The following LRSAM1 variants were observed in gnomAD, a reference collection of about 807,000 sequenced individuals.
The protein encoded by LRSAM1 is leucine rich repeat and sterile alpha motif containing 1.
A neutral mutation model predicts 118.1 loss-of-function variants in LRSAM1; 96 were observed. That is an observed-to-expected ratio of 0.81 (90% CI 0.69 to 0.96). The LOEUF (loss-of-function observed/expected upper bound fraction) is 0.96. Ranked by LOEUF, LRSAM1 falls within the 40% of genes least tolerant of loss-of-function variation. LRSAM1 has a pLI of 0.00. For synonymous variants in LRSAM1, 322 were observed against 364.2 expected (o/e 0.88, Z 1.32); for missense variants, 804 against 915.5 (o/e 0.88, Z 1.57).
intron 11 of LRSAM1, among the ~76,000 whole-genome samples, chr9:127,475,749 A>AT (rs200391831): frequency 0.015 from 2,288 of 150,858 alleles, 57 homozygotes; most frequent in African/African-American, 0.051. Context: ...TTATTTTTTT[A>AT]TTTTTTTTTG....
chr9:127,491,939 C>G (rs909819922), intron 20 of LRSAM1, among the ~76,000 whole-genome samples: 1 of 152,192 alleles, frequency 6.6e-6, no homozygotes, highest in Non-Finnish European at 1.5e-5. Flanking sequence ...AGACGGAGGG[C>G]TGGATGGGAT....
rs186675387 is a variant in LRSAM1, at chr9:127,467,680, C to A, written c.529-60C>A. ...AGAACACACAAATTGATAAGGAAAT[C>A]GTGTGGTCTCCGGTTGCGTTGGTAG... On this transcript the variant is annotated intron_variant, in intron 9 of 25. Transcript: ENST00000300417. 243 of 1,448,142 alleles carry A rather than the reference C, an allele frequency of 1.7e-4. 1 individual carries two copies. In the East Asian group the frequency reaches 5.3e-3, roughly 32 times the overall value. The allele number at this position is 1,448,142 out of a possible 1,614,324, so 89.7% of individuals were successfully genotyped here.
intron 19 of LRSAM1, among the ~76,000 whole-genome samples, 196 bp from the exon 20 acceptor site, chr9:127,491,019 C>T (rs1012218405): frequency 6.6e-6 from 1 of 151,972 alleles, no homozygotes; most frequent in African/African-American, 2.4e-5. Flanking sequence ...CCCAGGAACG[C>T]GAGGCCATGA....
intron 24 of LRSAM1, among the ~76,000 whole-genome samples, chr9:127,498,749 T>C (rs1394019167): frequency 6.6e-6 from 1 of 152,162 alleles, no homozygotes; most frequent in Non-Finnish European, 1.5e-5. Context: ...CAGAAATCGG[T>C]ATACTTTATA....
intron 16 of LRSAM1, among the ~76,000 whole-genome samples, chr9:127,484,433 G>C (rs994072473): frequency 2.6e-5 from 4 of 151,692 alleles, no homozygotes; most frequent in Non-Finnish European, 4.4e-5. Flanking sequence ...GTGTGAACCT[G>C]CTCACTGCAG....
Position 127,495,316 on chromosome 9 carries a change from G to A in LRSAM1, c.1600-4G>A. On this transcript the variant is annotated splice_region_variant and splice_polypyrimidine_tract_variant and intron_variant, in intron 21 of 25. Transcript: ENST00000300417. ...ACTAACATTGCCTGCTTCATTCCTG[G>A]CAGACGGAGTTAGAAGCCAAAAGTG... The A allele has an allele frequency of 6.2e-7, 1 of 1,613,580 alleles. No individual in the cohort carries two copies. Among genetic ancestry groups the A allele is most frequent in the Non-Finnish European group, 8.5e-7 (1 of 1,179,614 alleles).
At chr9:127,484,756 A>T (rs780857041) in intron 16 of LRSAM1, among the ~76,000 whole-genome samples, 13 of 150,052 alleles carry the variant, frequency 8.7e-5, no homozygotes, top group Admixed American at 2.6e-4. Flanking sequence ...GTGTACAAAC[A>T]TCTATTCTAG....
In LRSAM1 at chr9:127,459,166, G is replaced by A. The variant is rs952757343; in HGVS notation, c.321+95G>A. 1.9e-5 allele frequency: 23 copies of A among 1,235,908 alleles called. No individual in the cohort carries two copies. In the African/African-American group the frequency reaches 3.2e-4, roughly 17 times the overall value. The allele number at this position is 1,235,908 out of a possible 1,614,324, so 76.6% of individuals were successfully genotyped here. On this transcript the variant is annotated intron_variant, in intron 7 of 25. Coordinates refer to ENST00000300417, the MANE Select transcript of LRSAM1 (RefSeq NM_001005373.4). ...ATGTTCTGGCCGGGCTCCAGCCAGT[G>A]GAAGCAGGCTGCAATCAGTGCCAGC... is the stretch of plus-strand genomic sequence containing the variant.
intron 13 of LRSAM1, 52 bp downstream of exon 13, chr9:127,479,557 G>A (rs1835456681): frequency 6.2e-7 from 1 of 1,609,244 alleles, no homozygotes; most frequent in South Asian, 1.1e-5. Flanking sequence ...CCAGCCAGTG[G>A]CCTCCTGGCT....
chr9:127,482,374 C>T (rs1835574453), intron 15 of LRSAM1, among the ~76,000 whole-genome samples: 2 of 152,094 alleles, frequency 1.3e-5, no homozygotes, highest in South Asian at 2.1e-4. Flanking sequence ...AACTCCTGAC[C>T]TCAAGTCATC....
In LRSAM1 at chr9:127,502,904, T is replaced by A. The variant is rs1447674725; in HGVS notation, c.*5T>A. On this transcript the variant is annotated 3_prime_UTR_variant, in exon 26 of 26. Coordinates refer to ENST00000300417, the MANE Select transcript of LRSAM1 (RefSeq NM_001005373.4). ...CGCATCTACCACAGCAGCTGAGTGC[T>A]GCCCGCCCACCTGGGCCTGGTCCTA... The A allele has an allele frequency of 8.2e-6, 13 of 1,591,880 alleles. No homozygotes were observed. The highest frequency in any genetic ancestry group is 4.0e-5 in the African/African-American group (3 of 74,306).
rs1015277526 is a variant in LRSAM1, at chr9:127,472,375, C to T, written c.620-1426C>T. 7.0e-4 allele frequency among the ~76,000 whole-genome samples: 107 copies of T among 152,052 alleles called. 5 individuals carry two copies. The highest frequency in any genetic ancestry group is 2.9e-5 in the Non-Finnish European group (2 of 68,022). ...ACATTAAAGAGGCTGGGCATGGTGA[C>T]TCACACCTATAATCCCATAACTTTG... On this transcript the variant is annotated intron_variant, in intron 10 of 25. Coordinates refer to ENST00000300417, the MANE Select transcript of LRSAM1 (RefSeq NM_001005373.4).
intron 23 of LRSAM1, among the ~76,000 whole-genome samples, chr9:127,496,517 C>T (rs560787696): frequency 6.6e-6 from 1 of 152,246 alleles, no homozygotes; most frequent in African/African-American, 2.4e-5. Flanking sequence ...ACAGAATACT[C>T]ATCGCTGTGC....
intron 20 of LRSAM1, among the ~76,000 whole-genome samples, chr9:127,492,380 A>G (rs935446257): frequency 6.6e-6 from 1 of 152,028 alleles, no homozygotes; most frequent in Non-Finnish European, 1.5e-5. Flanking sequence ...TGGGGCCCCC[A>G]TGGGGTTTCC....
At chr9:127,456,015 G>A (rs188584505) in intron 5 of LRSAM1, among the ~76,000 whole-genome samples, 21 of 152,206 alleles carry the variant, frequency 1.4e-4, no homozygotes, top group South Asian at 1.2e-3. Flanking sequence ...ATGAACCCCG[G>A]TGTTAGTAAT....
chr9:127,452,241 G>C (rs1834349308), intron 2 of LRSAM1, 157 bp downstream of exon 2: 1 of 152,560 alleles, frequency 6.6e-6, no homozygotes, highest in African/African-American at 2.4e-5. Flanking sequence ...GGGAGGAAGT[G>C]GGGAGGGCTG....
Position 127,467,728 on chromosome 9 carries a change from T to C in LRSAM1, c.529-12T>C. On this transcript the variant is annotated splice_polypyrimidine_tract_variant and intron_variant, in intron 9 of 25. Transcript: ENST00000300417. ...TAGCGAACAGTAAAGCGGGTTACCC[T>C]TGTGTCTGCAGATGCTGAGCCTTGA... The C allele has an allele frequency of 6.2e-7, 1 of 1,607,434 alleles. No individual in the cohort carries two copies. The highest frequency in any genetic ancestry group is 8.5e-7 in the Non-Finnish European group (1 of 1,177,456).
chr9:127,467,278 C>T (rs1284899286), intron 9 of LRSAM1, among the ~76,000 whole-genome samples: 1 of 152,056 alleles, frequency 6.6e-6, no homozygotes, highest in African/African-American at 2.4e-5. Flanking sequence ...ATAAACAGTT[C>T]CAGGTGCAGG....
chr9:127,480,880 T>C (rs1173113601), intron 14 of LRSAM1, among the ~76,000 whole-genome samples: 2 of 152,156 alleles, frequency 1.3e-5, no homozygotes, highest in East Asian at 3.9e-4. Context: ...GGTTTCTCCA[T>C]GTTGACCAGG....
Sources: gnomAD v4.1 joint callset for allele counts (sites outside exome capture counted in the v4.1 genomes callset) on GRCh38, gnomAD v4.1.1 for gene constraint, MANE v1.5 for transcripts, NCBI Gene and HGNC (gene_info 2026-07-23, HGNC 2026-07-21) for gene names.